Variants in TSPAN14 observed in about 807,000 individuals in gnomAD.
The protein encoded by TSPAN14 is tetraspanin-14.
TSPAN14 carries 16 observed loss-of-function variants against 36.6 expected under a neutral mutation model. The ratio of observed to expected loss-of-function variants is 0.44; its 90% CI spans 0.30 to 0.66. The LOEUF (loss-of-function observed/expected upper bound fraction) is 0.66. Ranked by LOEUF, TSPAN14 falls within the 30% of genes least tolerant of loss-of-function variation. TSPAN14 has a pLI of 0.12. For missense variants in TSPAN14, 231 were observed against 355.1 expected (o/e 0.65, Z 2.81); for synonymous variants, 139 against 143.8 (o/e 0.97, Z 0.24).
At chr10:80,507,278 T>A in exon 4 of TSPAN14, 1 of 1,614,224 alleles carries the variant, frequency 6.2e-7, no homozygotes, top group Non-Finnish European at 8.5e-7. Flanking sequence ...GAATCGACCC[T>A]GTGGTGCTGG....
At chr10:80,521,860 C>T (rs1215101103) in exon 9 of TSPAN14, 4 of 142,202 alleles carry the variant, frequency 2.8e-5, no homozygotes, top group Admixed American at 7.2e-5. Flanking sequence ...GGAGGCGGAG[C>T]TTGCAGTGAG....
intron 1 of TSPAN14, among the ~76,000 whole-genome samples, chr10:80,463,359 C>A (rs958584793): frequency 1.3e-5 from 2 of 152,132 alleles, no homozygotes; most frequent in Non-Finnish European, 2.9e-5. Flanking sequence ...AACAAAGATA[C>A]ACGGTGAAAA....
intron 1 of TSPAN14, among the ~76,000 whole-genome samples, chr10:80,484,209 C>T (rs1302170629): frequency 2.0e-5 from 3 of 151,412 alleles, no homozygotes; most frequent in South Asian, 4.2e-4. Flanking sequence ...CGCCACTGCA[C>T]TCCAGCTTGG....
At chr10:80,503,281 A>T (rs1478924262) in intron 2 of TSPAN14, among the ~76,000 whole-genome samples, 1 of 152,150 alleles carries the variant, frequency 6.6e-6, no homozygotes, top group Non-Finnish European at 1.5e-5. Context: ...GAGAAGCGGG[A>T]AAAGGGTGTG....
exon 2 of TSPAN14, chr10:80,489,237 C>T (rs1211412714): frequency 1.1e-5 from 17 of 1,579,548 alleles, no homozygotes; most frequent in Admixed American, 1.8e-5. Flanking sequence ...TCAGAAGATG[C>T]ACTATTATAG....
intron 2 of TSPAN14, among the ~76,000 whole-genome samples, chr10:80,497,519 A>C (rs1175983799): frequency 6.6e-6 from 1 of 152,230 alleles, no homozygotes; most frequent in Non-Finnish European, 1.5e-5. Context: ...AAAGCTGAAA[A>C]TATTTACTAT....
chr10:80,501,004 TCTATTTAGTCA>T (rs1848479839), intron 2 of TSPAN14, among the ~76,000 whole-genome samples: 2 of 152,176 alleles, frequency 1.3e-5, no homozygotes, highest in Non-Finnish European at 2.9e-5. Context: ...TCCTATTGTA[TCTATTTAGTCA>T]CTATTTAGTC....
At chr10:80,504,280 C>T (rs1428679356) in intron 2 of TSPAN14, among the ~76,000 whole-genome samples, 1 of 152,146 alleles carries the variant, frequency 6.6e-6, no homozygotes, top group Non-Finnish European at 1.5e-5. Context: ...TGGGCTGTTT[C>T]CCCCTGTCCT....
chr10:80,475,455 A>C (rs1464959657), intron 1 of TSPAN14, among the ~76,000 whole-genome samples: 4 of 152,172 alleles, frequency 2.6e-5, no homozygotes, highest in Admixed American at 2.6e-4. Flanking sequence ...GGTCCCAGCT[A>C]CTTGGGAGGC....
At chr10:80,513,698 A>G (rs192077442) in intron 6 of TSPAN14, among the ~76,000 whole-genome samples, 157 of 152,372 alleles carry the variant, frequency 1.0e-3, no homozygotes, top group African/African-American at 3.7e-3. Context: ...TGAAAATTAT[A>G]TGAAATTCAA....
At chr10:80,521,792 C>T (rs1290586303) in exon 9 of TSPAN14, 2 of 151,038 alleles carry the variant, frequency 1.3e-5, no homozygotes, top group South Asian at 2.1e-4. Context: ...GGCTTGGTGG[C>T]GGGTGCCTGT....
At chr10:80,469,750 GA>G (rs1165459093) in intron 1 of TSPAN14, among the ~76,000 whole-genome samples, 1 of 152,120 alleles carries the variant, frequency 6.6e-6, no homozygotes, top group East Asian at 1.9e-4. Flanking sequence ...GGCTTCTTTG[GA>G]AAGGATTTTT....
intron 7 of TSPAN14, 147 bp from the exon 8 acceptor site, chr10:80,516,057 G>A: frequency 6.7e-6 from 8 of 1,194,362 alleles, no homozygotes; most frequent in Non-Finnish European, 9.4e-6. Context: ...GAGCTGACGA[G>A]CATCTCCTGG....
chr10:80,512,089 G>C, intron 5 of TSPAN14, 55 bp from the exon 6 acceptor site: 2 of 1,611,862 alleles, frequency 1.2e-6, no homozygotes, highest in South Asian at 1.1e-5. Flanking sequence ...CCCTATGCTG[G>C]GCAGCCATGG....
intron 1 of TSPAN14, among the ~76,000 whole-genome samples, chr10:80,467,845 C>T (rs1846327257): frequency 6.6e-6 from 1 of 152,168 alleles, no homozygotes. Flanking sequence ...TGGACCTCGC[C>T]TTGGCTTTTC....
rs560092123 is a variant in TSPAN14 at position 80,487,919 on chromosome 10, T to C, written c.-17-1298T>C. ...GTCACAGGTTCCGTTTCCAGAGGAG[T>C]GTGGTTTCATGTCCCTTCTTGGCAC... is the stretch of plus-strand genomic sequence containing the variant. On this transcript the variant is annotated intron_variant, in intron 1 of 8. Transcript: ENST00000429989. Among the ~76,000 whole-genome samples the C allele has an allele frequency of 1.6e-4, 25 of 151,624 alleles. No homozygotes were observed. The East Asian group carries it at 2.5e-3, about 15-fold the overall frequency.
At chr10:80,458,093 G>T (rs146810835) in intron 1 of TSPAN14, among the ~76,000 whole-genome samples, 30 of 152,318 alleles carry the variant, frequency 2.0e-4, no homozygotes, top group African/African-American at 6.7e-4. Context: ...TGTTCCATCC[G>T]CTACCTGGAT....
At chr10:80,491,595 G>A (rs1847924273) in intron 2 of TSPAN14, among the ~76,000 whole-genome samples, 1 of 152,208 alleles carries the variant, frequency 6.6e-6, no homozygotes, top group Non-Finnish European at 1.5e-5. Context: ...GGTTTCAGGA[G>A]AGAGTTTTTG....
At chr10:80,461,861 A>G (rs1238896202) in intron 1 of TSPAN14, among the ~76,000 whole-genome samples, 1 of 151,552 alleles carries the variant, frequency 6.6e-6, no homozygotes, top group African/African-American at 2.4e-5. Flanking sequence ...AGAAAGAGAT[A>G]CGAGGGCTTC....
Sources: gnomAD v4.1 joint callset for allele counts (sites outside exome capture counted in the v4.1 genomes callset) on GRCh38, gnomAD v4.1.1 for gene constraint, MANE v1.5 for transcripts, NCBI Gene and HGNC (gene_info 2026-07-23, HGNC 2026-07-21) for gene names.